SYTL2: variants seen among roughly 807,000 people sequenced by gnomAD.
The protein encoded by SYTL2 is synaptotagmin like 2.
A neutral mutation model predicts 198.7 loss-of-function variants in SYTL2; 165 were observed. The observed-to-expected ratio is 0.83, with a 90% confidence interval of 0.73 to 0.94. SYTL2 has a LOEUF of 0.94. Ranked by LOEUF, SYTL2 falls within the 40% of genes least tolerant of loss-of-function variation. The probability of loss-of-function intolerance (pLI) is 0.00; values close to 1 mark genes in which losing one functional copy is unlikely to be tolerated. For missense variants in SYTL2, 2,835 were observed against 2,582.8 expected, an observed-to-expected ratio of 1.10 and a Z score of -2.12; for synonymous variants, 966 against 917.7, an observed-to-expected ratio of 1.05 and a Z score of -0.95.
chr11:85,752,717 G>A (rs78039434), intron 2 of SYTL2, among the ~76,000 whole-genome samples: 3,166 of 151,810 alleles, frequency 0.021, 62 homozygotes, highest in Admixed American at 0.037. Context: ...TCAATCCTGC[G>A]GGGCACTTAC....
rs778327621 is a variant in SYTL2, at chr11:85,725,571, T to A, written c.3787A>T (p.Lys1263Ter). The A allele has an allele frequency of 5.6e-6, 9 of 1,614,006 alleles. No individual in the cohort carries two copies. In the South Asian group the frequency reaches 9.9e-5, roughly 18 times the overall value. Residue 1263 changes from lysine (K) to a stop codon, truncating the protein, a stop_gained, in exon 8 of 20, where the codon AAG (lysine) becomes TAG (stop). Coordinates refer to ENST00000359152, the MANE Select transcript of SYTL2 (RefSeq NM_206927.4). LOFTEE classifies it high-confidence loss of function. ...GGAAAAGGAGCTAGTATTTCTCTCT[T>A]ATCAGCTGAAGTATTGTGACTCTGT... is the stretch of plus-strand genomic sequence containing the variant. ...IEQSHNTSAD[K>*]REILAPFPVR... is the part of the protein sequence containing the mutation.
intron 3 of SYTL2, 30 bp downstream of exon 3, chr11:85,748,242 G>T (rs199856300): frequency 1.6e-5 from 25 of 1,597,332 alleles, no homozygotes; most frequent in Non-Finnish European, 2.1e-5. Context: ...ACGAATGCTT[G>T]TTGTAAATGC....
At chr11:85,703,449 C>G (rs1435648183) in intron 16 of SYTL2, among the ~76,000 whole-genome samples, 1 of 152,152 alleles carries the variant, frequency 6.6e-6, no homozygotes, top group Non-Finnish European at 1.5e-5. Context: ...GACTTCACAA[C>G]AGAAATGACC....
chr11:85,724,707 C>T lies in SYTL2; in HGVS notation c.4651G>A (p.Val1551Ile). 7 of 1,614,100 alleles carry T rather than the reference C, an allele frequency of 4.3e-6. No homozygotes were observed. The highest frequency in any genetic ancestry group is 3.3e-4 in the Middle Eastern group (2 of 6,062). The change falls in exon 8 of 20, where the codon GTA becomes ATA. Residue 1551 changes from valine to isoleucine, a missense_variant. Around this residue, in one of 3 missense-constraint regions of SYTL2, gnomAD observed 2,645 missense variants for 2,381.7 expected, o/e 1.11. Transcript: ENST00000359152. ...ECHPEELKET[V>I]EKAEAPLITE... ...ATTAACGGAGCCTCGGCCTTTTCTACTGTTTCTTTTAATTCCTCAGGATGG... is the reference window on the plus strand; with the variant it reads ...ATTAACGGAGCCTCGGCCTTTTCTATTGTTTCTTTTAATTCCTCAGGATGG...
chr11:85,759,882 T>C (rs1235243871), intron 1 of SYTL2, among the ~76,000 whole-genome samples: 1 of 152,204 alleles, frequency 6.6e-6, no homozygotes, highest in Non-Finnish European at 1.5e-5. Context: ...AAGCCTTCCA[T>C]AACTTCCATA....
the SYTL2 span, among the ~76,000 whole-genome samples, chr11:85,833,002 AAAAGAAAGAAAAGAAAG>A: frequency 1.1e-3 from 100 of 91,812 alleles, 8 homozygotes; most frequent in African/African-American, 2.4e-3. Flanking sequence ...TCTCAAAAAA[AAAAGAAAGAAAAGAAAG>A]AAAGAAAGAA....
At chr11:85,853,387 G>T in the SYTL2 span, 6 of 433,856 alleles carry the variant, frequency 1.4e-5, no homozygotes, top group African/African-American at 8.4e-5. Flanking sequence ...TCTGAAACAT[G>T]TGCTGTGTCC....
intron 16 of SYTL2, among the ~76,000 whole-genome samples, chr11:85,703,258 G>C (rs763052514): frequency 2.6e-5 from 4 of 152,074 alleles, no homozygotes; most frequent in Non-Finnish European, 5.9e-5. Context: ...AGTGATGAAA[G>C]ATACCAAAAC....
At chr11:85,817,622 C>T in the SYTL2 span, among the ~76,000 whole-genome samples, 1 of 152,174 alleles carries the variant, frequency 6.6e-6, no homozygotes, top group South Asian at 2.1e-4. Flanking sequence ...TTCCCTACCT[C>T]AGTTTTCCCA....
At chr11:85,833,154 GGAAAGAAA>G in the SYTL2 span, among the ~76,000 whole-genome samples, 1,683 of 55,678 alleles carry the variant, frequency 0.03, 194 homozygotes, top group African/African-American at 0.084. Flanking sequence ...AAGGAAGGAA[GGAAAGAAA>G]GAAAGAAAGA....
At chr11:85,845,112 T>A in the SYTL2 span, among the ~76,000 whole-genome samples, 1 of 152,226 alleles carries the variant, frequency 6.6e-6, no homozygotes, top group Non-Finnish European at 1.5e-5. Context: ...TTAATTTAGA[T>A]CTCAATTCCT....
In SYTL2 at chr11:85,737,702, G is replaced by A. The variant is rs750632569; in HGVS notation, c.390-46C>T. 8 of 1,528,536 alleles carry A rather than the reference G, an allele frequency of 5.2e-6. No homozygotes were observed. The South Asian group carries it at 9.1e-5, about 17-fold the overall frequency. 94.7% of individuals were successfully genotyped at this position (1,528,536 alleles called of 1,614,324 possible). ...CAGAGAATAAAACCTCACCTTTTGA[G>A]GAATCATAAATTATGCCTCTGAAGT... On this transcript the variant is annotated intron_variant, in intron 4 of 19. Transcript: ENST00000359152.
intron 1 of SYTL2, among the ~76,000 whole-genome samples, chr11:85,783,266 G>C (rs1452977377): frequency 6.6e-6 from 1 of 152,090 alleles, no homozygotes; most frequent in Non-Finnish European, 1.5e-5. Context: ...AAGCAAAAGG[G>C]GGAAAGCCCC....
At chr11:85,771,536 C>T (rs961211419) in intron 1 of SYTL2, among the ~76,000 whole-genome samples, 3 of 152,194 alleles carry the variant, frequency 2.0e-5, no homozygotes, top group African/African-American at 7.2e-5. Context: ...TGTTTAGAAA[C>T]CCCATGCTGT....
Position 85,734,081 on chromosome 11 carries a change from A to G in SYTL2, c.1248T>C (p.Phe416=). The G allele has an allele frequency of 6.2e-7, 1 of 1,614,188 alleles. No individual in the cohort carries two copies. The change falls in exon 7 of 20, where the codon TTT becomes TTC. Residue 416 remains phenylalanine (F), a synonymous_variant. Coordinates refer to ENST00000359152, the MANE Select transcript of SYTL2 (RefSeq NM_206927.4). ...AATGAGAATGCAGCCCATTAATTGG[A>G]AAAGAACCAGAAGTCATTGGCTGAT... The part of the protein sequence containing the change: ...ETHQPMTSGS[F]PINGLHSHSE...
At chr11:85,695,425 A>G in intron 19 of SYTL2, 85 bp from the exon 20 acceptor site, 2 of 1,187,942 alleles carry the variant, frequency 1.7e-6, no homozygotes, top group Non-Finnish European at 2.3e-6. Flanking sequence ...AATTATAACC[A>G]CCAGTGGAAG....
At position 85,695,149 on chromosome 11, in the gene SYTL2, C is replaced by A. The variant is rs2083235173; in HGVS notation, c.*46G>T. 1 of 1,568,566 alleles carries A rather than the reference C, an allele frequency of 6.4e-7. No individual in the cohort carries two copies. Among genetic ancestry groups the A allele is most frequent in the Admixed American group, 1.8e-5 (1 of 54,814 alleles). Reference sequence around the variant, plus strand: ...CTACTCAGATTTTCAAGATCAGATTCCACCGGTTTAGTAGTTTTCAGTGGA... The same window carrying A: ...CTACTCAGATTTTCAAGATCAGATTACACCGGTTTAGTAGTTTTCAGTGGA... On this transcript the variant is annotated 3_prime_UTR_variant, in exon 20 of 20. Coordinates refer to ENST00000359152, the MANE Select transcript of SYTL2 (RefSeq NM_206927.4).
intron 8 of SYTL2, among the ~76,000 whole-genome samples, chr11:85,722,051 T>G (rs2088393063): frequency 6.6e-6 from 1 of 152,262 alleles, no homozygotes; most frequent in East Asian, 1.9e-4. Context: ...TGCAGTTTGC[T>G]TTAAAATAAT....
At chr11:85,799,147 C>G (rs527800591) in intron 1 of SYTL2, among the ~76,000 whole-genome samples, 7 of 152,316 alleles carry the variant, frequency 4.6e-5, no homozygotes, top group African/African-American at 1.7e-4. Flanking sequence ...CTTAAAAAGA[C>G]AGGGAACATA....
Sources: gnomAD v4.1 joint callset for allele counts (sites outside exome capture counted in the v4.1 genomes callset) on GRCh38, gnomAD v4.1.1 for gene constraint, gnomAD v4.1.1 regional missense constraint, MANE v1.5 for transcripts, NCBI Gene and HGNC (gene_info 2026-07-23, HGNC 2026-07-21) for gene names.